The following ST8SIA1 variants were observed in gnomAD, a reference collection of about 807,000 sequenced individuals.
ST8SIA1 encodes ST8 alpha-N-acetyl-neuraminide alpha-2,8-sialyltransferase 1, also known as alpha-N-acetylneuraminide alpha-2,8-sialyltransferase.
ST8SIA1 carries 16 observed loss-of-function variants against 35.9 expected under a neutral mutation model. That is an observed-to-expected ratio of 0.45 (90% CI 0.30 to 0.68). ST8SIA1 has a LOEUF of 0.68. Ranked by LOEUF, ST8SIA1 falls within the 30% of genes least tolerant of loss-of-function variation. ST8SIA1 has a pLI of 0.09. For missense variants in ST8SIA1, 383 were observed against 453.6 expected (o/e 0.84, Z 1.41); for synonymous variants, 170 against 169.6 (o/e 1.00, Z -0.02).
intron 4 of ST8SIA1, 65 bp downstream of exon 4, chr12:22,248,941 G>T: frequency 8.1e-7 from 1 of 1,242,100 alleles, no homozygotes; most frequent in Non-Finnish European, 1.2e-6. Context: ...CACTGCCTTT[G>T]AAATGCTAAG....
chr12:22,247,098 T>G (rs1209194583), intron 4 of ST8SIA1, among the ~76,000 whole-genome samples: 2 of 96,924 alleles, frequency 2.1e-5, no homozygotes, highest in Non-Finnish European at 3.9e-5. Context: ...TCTCCTTCCC[T>G]CCCTCCCTCG....
intron 4 of ST8SIA1, among the ~76,000 whole-genome samples, chr12:22,203,120 T>C (rs1865068125): frequency 6.6e-6 from 1 of 151,840 alleles, no homozygotes; most frequent in African/African-American, 2.4e-5. Flanking sequence ...GAATAGAAGA[T>C]TACCTTGGAA....
In ST8SIA1 at chr12:22,321,849, T is replaced by C. The variant is rs568641816; in HGVS notation, c.236+12148A>G. On this transcript the variant is annotated intron_variant, in intron 1 of 4. Transcript: ENST00000396037. Reference sequence around the variant, plus strand: ...TTGCTGCCGGCCCCTCCACTTCCTCTTCTTTGCTATTGCAGGGTGGCAGGT... The same window carrying C: ...TTGCTGCCGGCCCCTCCACTTCCTCCTCTTTGCTATTGCAGGGTGGCAGGT... 2.6e-4 allele frequency among the ~76,000 whole-genome samples: 39 copies of C among 152,348 alleles called. No homozygotes were observed. In the East Asian group the frequency reaches 7.5e-3, roughly 29 times the overall value.
At chr12:22,293,616 GA>G (rs1241602288) in intron 1 of ST8SIA1, among the ~76,000 whole-genome samples, 15 of 152,206 alleles carry the variant, frequency 9.9e-5, no homozygotes, top group Admixed American at 7.2e-4. Flanking sequence ...GGACGGTTTT[GA>G]AATTGAGGTA....
At chr12:22,211,811 A>T (rs1865178828) in intron 4 of ST8SIA1, among the ~76,000 whole-genome samples, 1 of 152,152 alleles carries the variant, frequency 6.6e-6, no homozygotes, top group Admixed American at 6.5e-5. Flanking sequence ...TCCTGGGTGC[A>T]AGTGATTCTC....
chr12:22,313,143 T>A (rs1866473493), intron 1 of ST8SIA1, among the ~76,000 whole-genome samples: 1 of 152,202 alleles, frequency 6.6e-6, no homozygotes, highest in Admixed American at 6.6e-5. Context: ...ATAGCCTCTC[T>A]AAGCCTTAGT....
At chr12:22,312,956 A>G (rs1866470929) in intron 1 of ST8SIA1, among the ~76,000 whole-genome samples, 1 of 152,168 alleles carries the variant, frequency 6.6e-6, no homozygotes, top group Admixed American at 6.6e-5. Context: ...TTACATTGAT[A>G]TTTTATGCCA....
At chr12:22,242,964 A>G (rs988418080) in intron 4 of ST8SIA1, among the ~76,000 whole-genome samples, 1 of 152,190 alleles carries the variant, frequency 6.6e-6, no homozygotes, top group Non-Finnish European at 1.5e-5. Flanking sequence ...TGCACTCCAA[A>G]CAAGATATCC....
At chr12:22,289,018 T>G (rs183904555) in intron 1 of ST8SIA1, among the ~76,000 whole-genome samples, 124 of 152,292 alleles carry the variant, frequency 8.1e-4, no homozygotes, top group Non-Finnish European at 1.2e-3. Context: ...ATGGTTGGGA[T>G]AACAGGCATG....
chr12:22,303,846 CCACA>C (rs61596419), intron 1 of ST8SIA1, among the ~76,000 whole-genome samples: 3,279 of 140,740 alleles, frequency 0.023, 74 homozygotes, highest in Middle Eastern at 0.077. Flanking sequence ...CACCACCCTG[CCACA>C]CACACACACA....
chr12:22,314,146 G>C (rs1009406550), intron 1 of ST8SIA1, among the ~76,000 whole-genome samples: 15 of 152,122 alleles, frequency 9.9e-5, no homozygotes, highest in African/African-American at 3.6e-4. Flanking sequence ...AACAGCTGCT[G>C]CAAAATGGGA....
chr12:22,322,752 C>T (rs117311892), intron 1 of ST8SIA1, among the ~76,000 whole-genome samples: 2,265 of 152,310 alleles, frequency 0.015, 38 homozygotes, highest in Non-Finnish European at 0.023. Flanking sequence ...ACTGACCCAA[C>T]AAAATATCAT....
At chr12:22,304,364 G>GC (rs1866358425) in intron 1 of ST8SIA1, among the ~76,000 whole-genome samples, 1 of 72,124 alleles carries the variant, frequency 1.4e-5, no homozygotes, top group Non-Finnish European at 2.8e-5. Flanking sequence ...TTGAGCAAAA[G>GC]TTTTTTTCTT....
At chr12:22,227,503 T>C (rs1177057618) in intron 4 of ST8SIA1, among the ~76,000 whole-genome samples, 2 of 152,002 alleles carry the variant, frequency 1.3e-5, no homozygotes, top group South Asian at 2.1e-4. Flanking sequence ...AACCCGGAGA[T>C]GGAGGTTGCA....
At chr12:22,238,330 A>C (rs1219825542) in intron 4 of ST8SIA1, among the ~76,000 whole-genome samples, 1 of 152,234 alleles carries the variant, frequency 6.6e-6, no homozygotes, top group Non-Finnish European at 1.5e-5. Flanking sequence ...TATGGACACT[A>C]GCTTTGGGGA....
chr12:22,321,018 G>GA (rs368263312), intron 1 of ST8SIA1, among the ~76,000 whole-genome samples: 3 of 94,186 alleles, frequency 3.2e-5, no homozygotes, highest in South Asian at 7.2e-4. Flanking sequence ...AAGAAAGAAA[G>GA]AAAGAAAGAA....
At chr12:22,299,463 G>A (rs927583745) in intron 1 of ST8SIA1, among the ~76,000 whole-genome samples, 1 of 151,960 alleles carries the variant, frequency 6.6e-6, no homozygotes, top group African/African-American at 2.4e-5. Context: ...GGGATGTTCA[G>A]GACAAACCAG....
At chr12:22,316,446 G>A (rs1007866063) in intron 1 of ST8SIA1, among the ~76,000 whole-genome samples, 3 of 152,048 alleles carry the variant, frequency 2.0e-5, no homozygotes, top group East Asian at 3.9e-4. Flanking sequence ...AACATCTTGT[G>A]GAAAAAGTTG....
At chr12:22,263,821 T>C (rs149007182) in intron 2 of ST8SIA1, among the ~76,000 whole-genome samples, 4 of 152,302 alleles carry the variant, frequency 2.6e-5, no homozygotes, top group African/African-American at 9.6e-5. Flanking sequence ...GAAGAATCAA[T>C]AGCAGTGTTA....
Sources: gnomAD v4.1 joint callset for allele counts (sites outside exome capture counted in the v4.1 genomes callset) on GRCh38, gnomAD v4.1.1 for gene constraint, MANE v1.5 for transcripts, NCBI Gene and HGNC (gene_info 2026-07-23, HGNC 2026-07-21) for gene names.